The following SETD5 variants were observed in gnomAD, a reference collection of about 807,000 sequenced individuals.
SETD5 encodes the protein histone-lysine N-methyltransferase SETD5.
In SETD5, 44 loss-of-function variants were observed where a neutral mutation model predicts 153.3. The ratio of observed to expected loss-of-function variants is 0.29; its 90% CI spans 0.23 to 0.37. The LOEUF is 0.37. SETD5 is among the 10% of genes least tolerant of loss of function. The pLI, the probability that SETD5 is intolerant of heterozygous loss-of-function variation, is 1.00. For missense variants in SETD5, 1,544 were observed against 1,768.0 expected (o/e 0.87, Z 2.27); for synonymous variants, 716 against 645.2 (o/e 1.11, Z -1.66).
chr3:9,475,202 G>A (rs1464989490), intron 22 of SETD5, 46 bp downstream of exon 22: 9 of 1,520,960 alleles, frequency 5.9e-6, no homozygotes, highest in Non-Finnish European at 8.9e-7. Context: ...GTGTGTTCTG[G>A]GTCCCAAATT....
At chr3:9,475,275 T>G in intron 22 of SETD5, 119 bp downstream of exon 22, 1 of 1,164,154 alleles carries the variant, frequency 8.6e-7, no homozygotes, top group Non-Finnish European at 1.2e-6. Flanking sequence ...GCCTTGGAAA[T>G]AAGTCATCAT....
intron 11 of SETD5, among the ~76,000 whole-genome samples, chr3:9,444,753 T>G (rs2041732627): frequency 6.6e-6 from 1 of 152,002 alleles, no homozygotes; most frequent in African/African-American, 2.4e-5. Context: ...TAGCTGGGCG[T>G]GTAGTCCCAG....
chr3:9,459,904 T>C (rs1575547187), intron 17 of SETD5, among the ~76,000 whole-genome samples: 1 of 152,198 alleles, frequency 6.6e-6, no homozygotes, highest in South Asian at 2.1e-4. Flanking sequence ...CTATGATCTT[T>C]TAATATCTAG....
Position 9,453,638 on chromosome 3 carries a change from G to A in SETD5, c.2347-101G>A, listed in dbSNP as rs2042883349. The A allele has an allele frequency of 1.0e-5, 11 of 1,085,944 alleles. No individual in the cohort carries two copies. In the Admixed American group the frequency reaches 1.4e-4, roughly 14 times the overall value. 67.3% of individuals were successfully genotyped at this position (1,085,944 alleles called of 1,614,324 possible). A position where few individuals can be genotyped will look rare whatever the true frequency, so the allele number is the denominator to read the frequency against. ...TGCTTGACTGTGTAACTGAATTAGTGTGTTGAATTGTATCACTCACCAGTT... is the reference window on the plus strand; with the variant it reads ...TGCTTGACTGTGTAACTGAATTAGTATGTTGAATTGTATCACTCACCAGTT... On this transcript the variant is annotated intron_variant, in intron 16 of 22. Transcript: ENST00000402198.
At position 9,456,251 on chromosome 3, in the gene SETD5, G is replaced by A. The variant is rs546521555; in HGVS notation, c.2476+2383G>A. ...AGCACTTTGGGAGGCCAAGGTGGGC[G>A]GATCATCTGAGGTCAGGAGTTCAAG... On this transcript the variant is annotated intron_variant, in intron 17 of 22. Transcript: ENST00000402198. 3.2e-3 allele frequency among the ~76,000 whole-genome samples: 482 copies of A among 151,520 alleles called. 2 individuals carry two copies. The highest frequency in any genetic ancestry group is 0.011 in the African/African-American group (456 of 41,326).
chr3:9,470,020 A>G (rs891885403), intron 18 of SETD5, among the ~76,000 whole-genome samples: 2 of 152,072 alleles, frequency 1.3e-5, no homozygotes, highest in African/African-American at 4.8e-5. Flanking sequence ...CCTTCCATCA[A>G]TATTAATTTA....
intron 3 of SETD5, 170 bp from the exon 4 acceptor site, chr3:9,433,675 T>A (rs1395420453): frequency 4.7e-6 from 4 of 856,244 alleles, no homozygotes; most frequent in Non-Finnish European, 6.9e-6. Context: ...ACACTCCTAC[T>A]GTTATTTATA....
At chr3:9,436,964 T>C (rs2040641066) in intron 7 of SETD5, 1 of 1,333,138 alleles carries the variant, frequency 7.5e-7, no homozygotes, top group Admixed American at 2.1e-5. Context: ...TTTCCTGACA[T>C]TGATGGTCTG....
chr3:9,442,583 A>C (rs994422568), intron 10 of SETD5, among the ~76,000 whole-genome samples: 2 of 152,204 alleles, frequency 1.3e-5, no homozygotes, highest in Non-Finnish European at 2.9e-5. Context: ...ATTTGGTTGC[A>C]GTTTTTTTAG....
Position 9,445,289 on chromosome 3 carries a change from A to C in SETD5, c.1429A>C (p.Ser477Arg). 1 of 1,603,948 alleles carries C rather than the reference A, an allele frequency of 6.2e-7. No homozygotes were observed. The highest frequency in any genetic ancestry group is 1.3e-5 in the African/African-American group (1 of 74,872). Residue 477 changes from serine to arginine, a missense_variant, in exon 12 of 23, where the codon AGT becomes CGT. This residue lies in a region of SETD5 where 782 missense variants were observed against 787.2 expected (regional missense o/e 0.99). Coordinates refer to ENST00000402198, the MANE Select transcript of SETD5 (RefSeq NM_001080517.3). ...QEVPEKVTVS[S>R]DHEEVDNPEE... The stretch of plus-strand genomic sequence containing the variant: ...AGTTCCAGAAAAAGTAACTGTATCC[A>C]GTGATCATGAGGTAATCGCCCCTGG...
In SETD5 at chr3:9,442,344, A is replaced by G. The variant is rs1003233950; in HGVS notation, c.1077+99A>G. ...ACTTCACTCAGATAAAGGTCTGTAG[A>G]TAATAGTCGTGATATTTCATCGTGG... On this transcript the variant is annotated intron_variant, in intron 10 of 22. Coordinates refer to ENST00000402198, the MANE Select transcript of SETD5 (RefSeq NM_001080517.3). The G allele has an allele frequency of 7.3e-5, 60 of 823,838 alleles. No homozygotes were observed. The African/African-American group carries it at 8.7e-4, about 12-fold the overall frequency. The allele number at this position is 823,838 out of a possible 1,614,324, so 51.0% of individuals were successfully genotyped here.
chr3:9,449,709 A>C (rs2042406964), intron 16 of SETD5: 1 of 152,134 alleles, frequency 6.6e-6, no homozygotes, highest in Non-Finnish European at 1.5e-5. Flanking sequence ...TGGGATATGG[A>C]GGGGAGGAGG....
At chr3:9,436,695 G>A (rs1394946128) in intron 7 of SETD5, among the ~76,000 whole-genome samples, 1 of 152,098 alleles carries the variant, frequency 6.6e-6, no homozygotes, top group Non-Finnish European at 1.5e-5. Context: ...CCTATTCTTG[G>A]TAATAGTTTG....
chr3:9,448,531 C>T lies in SETD5; in HGVS notation c.2247C>T (p.Cys749=), dbSNP rs1292259770. 1.9e-6 allele frequency: 3 copies of T among 1,613,844 alleles called. No individual in the cohort carries two copies. Among genetic ancestry groups the T allele is most frequent in the Non-Finnish European group, 2.5e-6 (3 of 1,179,866 alleles). The part of the protein sequence containing the change: ...LPGLIHSPLI[C]TTPKHYIRFG... ...GTCTTATCCATTCCCCGTTAATTTG[C>T]ACCACCCCCAAACACTACATTCGCT... is the stretch of plus-strand genomic sequence containing the variant. The change falls in exon 16 of 23, where the codon TGC becomes TGT. Residue 749 remains cysteine (C), a synonymous_variant. Transcript: ENST00000402198.
At position 9,445,153 on chromosome 3, in the gene SETD5, C is replaced by T; in HGVS notation, c.1293C>T (p.Ser431=). 1 of 1,613,994 alleles carries T rather than the reference C, an allele frequency of 6.2e-7. No individual in the cohort carries two copies. Among genetic ancestry groups the T allele is most frequent in the South Asian group, 1.1e-5 (1 of 91,082 alleles). Residue 431 remains serine, a synonymous_variant, in exon 12 of 23, where the codon AGC becomes AGT. Coordinates refer to ENST00000402198, the MANE Select transcript of SETD5 (RefSeq NM_001080517.3). ...TELPLLPPPP[S]LPTIGAETRR... ...TGCCACTCCTACCACCTCCTCCAAG[C>T]CTACCCACCATTGGAGCAGAGACTA...
intron 1 of SETD5, among the ~76,000 whole-genome samples, chr3:9,410,168 A>C (rs1166985403): frequency 6.6e-6 from 1 of 152,226 alleles, no homozygotes; most frequent in African/African-American, 2.4e-5. Context: ...TTAGGCTACA[A>C]ATCTGTGCAG....
chr3:9,450,794 C>T (rs1335386435), intron 16 of SETD5, among the ~76,000 whole-genome samples: 1 of 152,054 alleles, frequency 6.6e-6, no homozygotes, highest in African/African-American at 2.4e-5. Context: ...AAGGGCCTGG[C>T]CTTGTAAGTT....
At chr3:9,460,520 A>T (rs1451664833) in intron 17 of SETD5, among the ~76,000 whole-genome samples, 1 of 152,026 alleles carries the variant, frequency 6.6e-6, no homozygotes, top group Non-Finnish European at 1.5e-5. Context: ...TTGGAGAACT[A>T]GAACAGAATA....
intron 22 of SETD5, 108 bp from the exon 23 acceptor site, chr3:9,475,375 T>C (rs1344598495): frequency 6.2e-6 from 9 of 1,461,292 alleles, no homozygotes; most frequent in Non-Finnish European, 7.3e-6. Flanking sequence ...CTAAAAAGAA[T>C]ACATGGTTAA....
Sources: gnomAD v4.1 joint callset for allele counts (sites outside exome capture counted in the v4.1 genomes callset) on GRCh38, gnomAD v4.1.1 for gene constraint, gnomAD v4.1.1 regional missense constraint, MANE v1.5 for transcripts, NCBI Gene and HGNC (gene_info 2026-07-23, HGNC 2026-07-21) for gene names.